The following KATNA1 variants were observed in gnomAD, a reference collection of about 807,000 sequenced individuals.
The protein encoded by KATNA1 is katanin catalytic subunit A1.
A neutral mutation model predicts 62.6 loss-of-function variants in KATNA1; 42 were observed. The ratio of observed to expected loss-of-function variants is 0.67; its 90% CI spans 0.52 to 0.87. The LOEUF is 0.87. KATNA1 is among the 40% of genes least tolerant of loss of function. KATNA1 has a pLI of 0.00. For missense variants in KATNA1, 498 were observed against 612.5 expected (o/e 0.81, Z 1.97); for synonymous variants, 186 against 201.9 (o/e 0.92, Z 0.67).
chr6:149,614,873 C>G (rs1050046762), intron 4 of KATNA1, among the ~76,000 whole-genome samples: 1 of 152,124 alleles, frequency 6.6e-6, no homozygotes, highest in Non-Finnish European at 1.5e-5. Context: ...CAGTGGCTCA[C>G]GCCTGTAATC....
chr6:149,612,903 A>G (rs755943171), intron 4 of KATNA1, among the ~76,000 whole-genome samples: 4 of 152,092 alleles, frequency 2.6e-5, no homozygotes, highest in Non-Finnish European at 5.9e-5. Flanking sequence ...AAAACTGAAT[A>G]CCTATCCAGG....
intron 8 of KATNA1, 67 bp from the exon 9 acceptor site, chr6:149,597,708 A>G: frequency 1.4e-6 from 2 of 1,460,270 alleles, no homozygotes; most frequent in African/African-American, 1.4e-5. Flanking sequence ...AAGCTCAGCT[A>G]TTTAAAGATC....
intron 3 of KATNA1, among the ~76,000 whole-genome samples, chr6:149,626,610 T>G (rs1357346363): frequency 6.6e-6 from 1 of 151,064 alleles, no homozygotes; most frequent in Non-Finnish European, 1.5e-5. Flanking sequence ...CAATGTTACA[T>G]ATAACATTGT....
chr6:149,618,889 G>A (rs1024745990), intron 4 of KATNA1, among the ~76,000 whole-genome samples: 3 of 152,100 alleles, frequency 2.0e-5, no homozygotes, highest in East Asian at 1.9e-4. Flanking sequence ...AGAAGATGAT[G>A]TAGGAGAAAT....
chr6:149,625,317 G>A (rs950091710), intron 3 of KATNA1, among the ~76,000 whole-genome samples: 2 of 152,152 alleles, frequency 1.3e-5, no homozygotes, highest in African/African-American at 4.8e-5. Flanking sequence ...ACAATGAGAA[G>A]AGTCTCAGAG....
At position 149,597,601 on chromosome 6, in the gene KATNA1, C is replaced by G; in HGVS notation, c.1056G>C (p.Met352Ile). 1.2e-6 allele frequency: 2 copies of G among 1,613,910 alleles called. No individual in the cohort carries two copies. Among genetic ancestry groups the G allele is most frequent in the Non-Finnish European group, 1.7e-6 (2 of 1,179,874 alleles). The part of the protein sequence containing the change: ...GTSENDDPSK[M>I]VMVLAATNFP... ...AATTAGTAGCTGCCAGAACCATAACCATTTTGGAAGGGTCATCATTTTCAG... is the reference window on the plus strand; with the variant it reads ...AATTAGTAGCTGCCAGAACCATAACGATTTTGGAAGGGTCATCATTTTCAG... The change falls in exon 9 of 11, where the codon ATG becomes ATC. Residue 352 changes from methionine to isoleucine, a missense_variant. Transcript: ENST00000367411.
intron 1 of KATNA1, among the ~76,000 whole-genome samples, chr6:149,639,035 G>A (rs985731391): frequency 2.6e-5 from 4 of 151,138 alleles, no homozygotes; most frequent in African/African-American, 9.7e-5. Context: ...CACCGCGCCT[G>A]GCCTCAAAGA....
Position 149,632,876 on chromosome 6 carries a change from T to A in KATNA1, c.203A>T (p.Asp68Val), listed in dbSNP as rs946183329. The change falls in exon 3 of 11, where the codon GAT (aspartate) becomes GTT (valine). Residue 68 changes from aspartate to valine, a missense_variant. Physicochemically the swap from Asp to Val is radical, Grantham distance 152. Coordinates refer to ENST00000367411, the MANE Select transcript of KATNA1 (RefSeq NM_007044.4). Reference protein sequence around the residue: ...EINVEAKHVKDIMKTLESFKL... With the variant: ...EINVEAKHVKVIMKTLESFKL... ...AAAGCTCTCTAGTGTTTTCATGATA[T>A]CTTTAACATGTTTAGCTTCCACATT... 2.5e-6 allele frequency: 4 copies of A among 1,611,430 alleles called. No homozygotes were observed. The Admixed American group carries it at 6.8e-5, about 27-fold the overall frequency.
intron 3 of KATNA1, among the ~76,000 whole-genome samples, chr6:149,629,843 T>C (rs1395552035): frequency 6.6e-6 from 1 of 152,178 alleles, no homozygotes; most frequent in Non-Finnish European, 1.5e-5. Flanking sequence ...ATATAAATCA[T>C]AAATGTTTAA....
intron 3 of KATNA1, among the ~76,000 whole-genome samples, chr6:149,626,525 G>A (rs1047151122): frequency 1.4e-5 from 2 of 147,812 alleles, no homozygotes; most frequent in East Asian, 4.1e-4. Flanking sequence ...CTCGTGATCC[G>A]CCCGCCTCGG....
At chr6:149,595,316 A>G (rs1778260204) in intron 10 of KATNA1, 82 bp from the exon 11 acceptor site, 1 of 1,047,800 alleles carries the variant, frequency 9.5e-7, no homozygotes, top group Admixed American at 2.4e-5. Context: ...AAAATTTTCA[A>G]TTGATCTGTT....
At chr6:149,626,402 C>T (rs1162538323) in intron 3 of KATNA1, among the ~76,000 whole-genome samples, 1 of 138,346 alleles carries the variant, frequency 7.2e-6, no homozygotes, top group African/African-American at 2.7e-5. Flanking sequence ...TCACGCCATT[C>T]TCCTGCCTCA....
chr6:149,642,017 C>T (rs1405732781), intron 1 of KATNA1, among the ~76,000 whole-genome samples: 1 of 152,144 alleles, frequency 6.6e-6, no homozygotes, highest in African/African-American at 2.4e-5. Context: ...ATTCTCCTGC[C>T]TCGGCCTCCC....
chr6:149,608,053 G>T (rs1200171438), intron 4 of KATNA1, among the ~76,000 whole-genome samples: 1 of 152,172 alleles, frequency 6.6e-6, no homozygotes, highest in African/African-American at 2.4e-5. Flanking sequence ...GCGACAGAGT[G>T]AGACTCCGTC....
intron 9 of KATNA1, 109 bp downstream of exon 9, chr6:149,597,398 A>G: frequency 7.4e-7 from 1 of 1,355,598 alleles, no homozygotes; most frequent in South Asian, 1.4e-5. Flanking sequence ...AAAGGAAGAT[A>G]CTCCTCATGT....
chr6:149,637,502 A>T (rs1176462443), intron 2 of KATNA1, among the ~76,000 whole-genome samples: 1 of 152,140 alleles, frequency 6.6e-6, no homozygotes, highest in Non-Finnish European at 1.5e-5. Flanking sequence ...CGAAGTAAAA[A>T]TCTGATCAAA....
chr6:149,640,949 C>T (rs1261505515), intron 1 of KATNA1, among the ~76,000 whole-genome samples: 3 of 152,146 alleles, frequency 2.0e-5, no homozygotes, highest in African/African-American at 7.2e-5. Context: ...CGGCTCACCA[C>T]AACCTCCGCC....
rs752232601 is a variant in KATNA1 at position 149,598,279 on chromosome 6, A to G, written c.960T>C (p.Ser320=). The G allele has an allele frequency of 6.2e-7, 1 of 1,613,976 alleles. No individual in the cohort carries two copies. ...IDSICSRRGT[S]EEHEASRRVK... is the part of the protein sequence containing the mutation. ...CCCTTCTGCTTGCTTCATGTTCTTC[A>G]GAAGTCCCTCGGCGACTACAGATGG... The change falls in exon 8 of 11, where the codon TCT becomes TCC. Residue 320 remains serine, a synonymous_variant. Transcript: ENST00000367411.
chr6:149,613,320 C>A (rs79840498), intron 4 of KATNA1, among the ~76,000 whole-genome samples: 1 of 149,086 alleles, frequency 6.7e-6, no homozygotes, highest in Non-Finnish European at 1.5e-5. Context: ...ACAGCAAGGA[C>A]ATCTACTTTG....
Sources: gnomAD v4.1 joint callset for allele counts (sites outside exome capture counted in the v4.1 genomes callset) on GRCh38, gnomAD v4.1.1 for gene constraint, MANE v1.5 for transcripts, NCBI Gene and HGNC (gene_info 2026-07-23, HGNC 2026-07-21) for gene names.